The following IKZF5 variants were observed in gnomAD, a reference collection of about 807,000 sequenced individuals.
IKZF5 encodes the protein IKAROS family zinc finger 5.
Under a neutral mutation model 30.7 loss-of-function variants are expected in IKZF5, and 4 were observed. The ratio of observed to expected loss-of-function variants is 0.13; its 90% CI spans 0.06 to 0.30. The LOEUF is 0.30. Ranked by LOEUF, IKZF5 falls within the 10% of genes least tolerant of loss-of-function variation. The pLI, the probability that IKZF5 is intolerant of heterozygous loss-of-function variation, is 1.00. For synonymous variants in IKZF5, 148 were observed against 179.6 expected, an observed-to-expected ratio of 0.82 and a Z score of 1.41; for missense variants, 348 against 525.5, an observed-to-expected ratio of 0.66 and a Z score of 3.30.
rs1365427533 is a variant in IKZF5, at chr10:122,991,785, TA to T, written c.*1994del. ...TTATGAAAAAAATCTTTTCCATGTT[TA>T]AATTAAAATGCACCTTCACAACATC... is the stretch of plus-strand genomic sequence containing the variant. On this transcript the variant is annotated 3_prime_UTR_variant, in exon 5 of 5. Transcript: ENST00000368886. 1 of 152,198 alleles carries T rather than the reference TA, an allele frequency of 6.6e-6. No homozygotes were observed. Among genetic ancestry groups the T allele is most frequent in the Non-Finnish European group, 1.5e-5 (1 of 68,018 alleles). 9.4% of individuals were successfully genotyped at this position (152,198 alleles called of 1,614,324 possible). A position where few individuals can be genotyped will look rare whatever the true frequency, so the allele number is the denominator to read the frequency against.
rs1237142684 is a variant in IKZF5 at position 122,993,926 on chromosome 10, A to G, written c.1114T>C (p.Tyr372His). ...LLHHCQHCDM[Y>H]FADNILYTIH... The stretch of plus-strand genomic sequence containing the variant: ...GTGTAAAGGATGTTGTCTGCAAAGT[A>G]CATATCACAGTGCTGGCAGTGGTGC... The change falls in exon 5 of 5, where the codon TAC (tyrosine) becomes CAC (histidine). Residue 372 changes from tyrosine to histidine, a missense_variant. By Grantham distance (83) the Tyr-to-His change is moderately conservative (BLOSUM62 2). Around this residue, in one of 4 missense-constraint regions of IKZF5, gnomAD observed 56 missense variants for 104.7 expected, o/e 0.53. Transcript: ENST00000368886. 3 of 1,614,206 alleles carry G rather than the reference A, an allele frequency of 1.9e-6. No individual in the cohort carries two copies. The highest frequency in any genetic ancestry group is 2.5e-6 in the Non-Finnish European group (3 of 1,180,038).
intron 4 of IKZF5, chr10:122,995,066 C>T: frequency 4.6e-6 from 1 of 216,568 alleles, no homozygotes; most frequent in South Asian, 1.1e-4. Context: ...AAAAGTATGT[C>T]TCAGTTATAT....
chr10:123,008,334 G>A (rs1160904306), intron 1 of IKZF5, among the ~76,000 whole-genome samples: 3 of 152,112 alleles, frequency 2.0e-5, no homozygotes, highest in African/African-American at 7.2e-5. Flanking sequence ...CTGACTCCCA[G>A]CCCCTGGGAC....
chr10:123,008,662 G>A (rs567645898), intron 1 of IKZF5, 32 bp downstream of exon 1: 17 of 387,018 alleles, frequency 4.4e-5, no homozygotes, highest in African/African-American at 2.9e-4. Context: ...CTGCCGCGTC[G>A]CCGCCGTCCG....
chr10:123,001,016 T>TC (rs1849562929), intron 2 of IKZF5, among the ~76,000 whole-genome samples: 1 of 148,060 alleles, frequency 6.8e-6, no homozygotes, highest in African/African-American at 2.5e-5. Context: ...TTTCTTTTCT[T>TC]TTTTTTTTTT....
chr10:122,997,442 G>A (rs1031760571), intron 3 of IKZF5: 1 of 152,256 alleles, frequency 6.6e-6, no homozygotes, highest in Admixed American at 6.5e-5. Context: ...GCTTTCCCAA[G>A]CCAGTCACTA....
chr10:123,004,437 A>G (rs1376966487), intron 2 of IKZF5, among the ~76,000 whole-genome samples: 1 of 152,124 alleles, frequency 6.6e-6, no homozygotes, highest in Non-Finnish European at 1.5e-5. Flanking sequence ...CAAGACTGCC[A>G]GAAAGCAAGC....
At chr10:123,001,383 T>A (rs1415866449) in intron 2 of IKZF5, among the ~76,000 whole-genome samples, 2 of 152,136 alleles carry the variant, frequency 1.3e-5, no homozygotes, top group Non-Finnish European at 2.9e-5. Flanking sequence ...TCCTTTACAT[T>A]TAGAGTTGTT....
chr10:123,002,413 G>A (rs1849621443), intron 2 of IKZF5, among the ~76,000 whole-genome samples: 2 of 151,512 alleles, frequency 1.3e-5, no homozygotes, highest in Admixed American at 6.6e-5. Context: ...CCTGCTTTTC[G>A]GTAGGCTGAG....
At position 122,994,329 on chromosome 10, in the gene IKZF5, A is replaced by C; in HGVS notation, c.711T>G (p.Gly237=). The change falls in exon 5 of 5, where the codon GGT becomes GGG. Residue 237 remains glycine, a synonymous_variant. Coordinates refer to ENST00000368886, the MANE Select transcript of IKZF5 (RefSeq NM_001372123.1). The surrounding 1 kb of genome is among the most constrained non-coding windows in gnomAD (Gnocchi z 5.6). ...YESMAKTTPT[G]GLPRDPQELM... is the part of the protein sequence containing the mutation. ...GTTCTTGGGGGTCCCTTGGAAGGCC[A>C]CCAGTTGGTGTGGTTTTTGCCATAC... 6.2e-7 allele frequency: 1 copy of C among 1,614,036 alleles called. No homozygotes were observed. The highest frequency in any genetic ancestry group is 8.5e-7 in the Non-Finnish European group (1 of 1,180,006).
Position 122,998,656 on chromosome 10 carries a change from G to C in IKZF5, c.-31C>G. 6.2e-7 allele frequency: 1 copy of C among 1,601,308 alleles called. No homozygotes were observed. Among genetic ancestry groups the C allele is most frequent in the South Asian group, 1.1e-5 (1 of 89,386 alleles). ...CTTTTTTAACATTTACAGTTTGTTAGACCTAGAAAACAAAACTGAAACAAT... is the reference window on the plus strand; with the variant it reads ...CTTTTTTAACATTTACAGTTTGTTACACCTAGAAAACAAAACTGAAACAAT... On this transcript the variant is annotated 5_prime_UTR_variant, in exon 3 of 5. Transcript: ENST00000368886.
chr10:122,997,010 A>T (rs1481919128), intron 3 of IKZF5: 2 of 152,228 alleles, frequency 1.3e-5, no homozygotes. Context: ...TTAAGCCCAT[A>T]AAGGAAAGTA....
rs1849208791 is a variant in IKZF5, at chr10:122,992,723, C to G, written c.*1057G>C. ...GCAAATAAGAATTACAATTTGAAGT[C>G]ACAGAAAATATTTTAAATGGCTAAT... On this transcript the variant is annotated 3_prime_UTR_variant, in exon 5 of 5. Coordinates refer to ENST00000368886, the MANE Select transcript of IKZF5 (RefSeq NM_001372123.1). 6.6e-6 allele frequency: 1 copy of G among 152,152 alleles called. No individual in the cohort carries two copies. Among genetic ancestry groups the G allele is most frequent in the Non-Finnish European group, 1.5e-5 (1 of 68,006 alleles). 9.4% of individuals were successfully genotyped at this position (152,152 alleles called of 1,614,324 possible). A position where few individuals can be genotyped will look rare whatever the true frequency, so the allele number is the denominator to read the frequency against.
At chr10:123,008,298 G>A (rs1012889164) in intron 1 of IKZF5, among the ~76,000 whole-genome samples, 1 of 152,076 alleles carries the variant, frequency 6.6e-6, no homozygotes, top group African/African-American at 2.4e-5. Context: ...GCCAGGATTC[G>A]AAACACCTAG....
rs375400729 is a variant in IKZF5 at position 122,994,142 on chromosome 10, C to G, written c.898G>C (p.Val300Leu). 1.2e-5 allele frequency: 20 copies of G among 1,614,062 alleles called. No homozygotes were observed. The highest frequency in any genetic ancestry group is 1.6e-5 in the Non-Finnish European group (19 of 1,180,006). ...QPSTQAVVSA[V>L]SASIPQSSSP... is the part of the protein sequence containing the mutation. ...GAGCTCTGAGGAATACTTGCTGATA[C>G]GGCAGAAACTACTGCTTGGGTAGAG... is the stretch of plus-strand genomic sequence containing the variant. Residue 300 changes from valine to leucine, a missense_variant, in exon 5 of 5, where the codon GTA (valine) becomes CTA (leucine). Transcript: ENST00000368886. This position sits in a 1 kb window ranked among gnomAD's most constrained non-coding sequence, Gnocchi z 5.6.
rs889271995 is a variant in IKZF5, at chr10:123,006,245, G to A, written c.-47+781C>T. On this transcript the variant is annotated intron_variant, in intron 2 of 4. Coordinates refer to ENST00000368886, the MANE Select transcript of IKZF5 (RefSeq NM_001372123.1). ...AAGAACAGGAAAACCTCTACCTCAA[G>A]TAGGTAATTTAGGCTAATTTCCGAT... Among the ~76,000 whole-genome samples, 7 of 152,240 alleles carry A rather than the reference G, an allele frequency of 4.6e-5. No homozygotes were observed. The East Asian group carries it at 9.6e-4, about 21-fold the overall frequency.
At position 122,993,771 on chromosome 10, in the gene IKZF5, T is replaced by C. The variant is rs1485635473; in HGVS notation, c.*9A>G. 3 of 1,554,014 alleles carry C rather than the reference T, an allele frequency of 1.9e-6. No individual in the cohort carries two copies. Among genetic ancestry groups the C allele is most frequent in the South Asian group, 1.2e-5 (1 of 82,444 alleles). ...ACAGCAAAACTAAGTAAAATATGAC[T>C]ATTTTCAATCAATGTTGGTTATGTT... On this transcript the variant is annotated 3_prime_UTR_variant, in exon 5 of 5. Transcript: ENST00000368886.
intron 2 of IKZF5, among the ~76,000 whole-genome samples, chr10:123,000,062 T>C (rs1221854998): frequency 1.3e-5 from 2 of 152,242 alleles, no homozygotes; most frequent in African/African-American, 4.8e-5. Context: ...CATATATGCT[T>C]AACTTTTTGT....
At position 122,994,642 on chromosome 10, in the gene IKZF5, G is replaced by T; in HGVS notation, c.398C>A (p.Thr133Asn). The change falls in exon 5 of 5, where the codon ACT (threonine) becomes AAT (asparagine). Residue 133 changes from threonine (T) to asparagine (N), a missense_variant. Thr to Asn is a moderately conservative substitution (Grantham distance 65, BLOSUM62 0). This residue lies in a region of IKZF5 where 36 missense variants were observed against 129.4 expected (regional missense o/e 0.28). Coordinates refer to ENST00000368886, the MANE Select transcript of IKZF5 (RefSeq NM_001372123.1). The surrounding 1 kb of genome is among the most constrained non-coding windows in gnomAD (Gnocchi z 5.6). ...RHLEAHMRSHTGEKPYKCELC... is the reference protein window; with the variant it reads ...RHLEAHMRSHNGEKPYKCELC... Reference sequence around the variant, plus strand: ...TTCACATTTGTATGGTTTTTCTCCAGTATGAGAACGCATATGGGCTTCCAG... The same window carrying T: ...TTCACATTTGTATGGTTTTTCTCCATTATGAGAACGCATATGGGCTTCCAG... The T allele has an allele frequency of 6.2e-7, 1 of 1,614,176 alleles. No homozygotes were observed. Among genetic ancestry groups the T allele is most frequent in the Non-Finnish European group, 8.5e-7 (1 of 1,180,018 alleles).
Sources: allele counts gnomAD v4.1 joint callset (sites outside exome capture counted in the v4.1 genomes callset), GRCh38; gene constraint gnomAD v4.1.1; regional missense constraint gnomAD v4.1.1; non-coding constraint Gnocchi (gnomAD v3.1); transcripts MANE v1.5; gene names NCBI Gene and HGNC (gene_info 2026-07-23, HGNC 2026-07-21).